Variants in MTMR7 observed in about 807,000 individuals in gnomAD.
MTMR7 encodes phosphatidylinositol-3-phosphate phosphatase MTMR7.
In MTMR7, 76 loss-of-function variants were observed where a neutral mutation model predicts 81.2. The observed-to-expected ratio is 0.94, with a 90% CI of 0.78 to 1.13. The LOEUF (loss-of-function observed/expected upper bound fraction) is 1.13, where lower values mean the gene tolerates loss of function less well. Ranked by LOEUF, MTMR7 falls within the 50% of genes most tolerant of loss-of-function variation. MTMR7 has a pLI of 0.00. For missense variants in MTMR7, 1,044 were observed against 820.0 expected, an observed-to-expected ratio of 1.27 and a Z score of -3.34; for synonymous variants, 372 against 289.8, an observed-to-expected ratio of 1.28 and a Z score of -2.88.
intron 3 of MTMR7, among the ~76,000 whole-genome samples, chr8:17,363,856 T>A (rs1820132861): frequency 6.6e-6 from 1 of 151,484 alleles, no homozygotes; most frequent in South Asian, 2.1e-4. Context: ...GTTCTCTACT[T>A]TTACCAAATA....
At chr8:17,337,307 G>T (rs976923345) in intron 6 of MTMR7, among the ~76,000 whole-genome samples, 2 of 149,996 alleles carry the variant, frequency 1.3e-5, no homozygotes, top group Non-Finnish European at 2.9e-5. Context: ...GGAGGTTGCA[G>T]TGATCCGAGA....
At chr8:17,376,486 T>C (rs1431034416) in intron 1 of MTMR7, among the ~76,000 whole-genome samples, 1 of 152,230 alleles carries the variant, frequency 6.6e-6, no homozygotes, top group African/African-American at 2.4e-5. Context: ...TGGTAAGTCA[T>C]ATAGTAAGGC....
In MTMR7 at chr8:17,346,755, C is replaced by A. The variant is rs955763317; in HGVS notation, c.597+2198G>T. 2.6e-5 allele frequency among the ~76,000 whole-genome samples: 4 copies of A among 151,568 alleles called. No individual in the cohort carries two copies. The Middle Eastern group carries it at 0.01, about 387-fold the overall frequency. On this transcript the variant is annotated intron_variant, in intron 5 of 13. Coordinates refer to ENST00000180173, the MANE Select transcript of MTMR7 (RefSeq NM_004686.5). Reference sequence around the variant, plus strand: ...AACAACAATAAAAGATCGTTTCTCCCTCTCCTGGATTCATCTTCTCTCTTC... The same window carrying A: ...AACAACAATAAAAGATCGTTTCTCCATCTCCTGGATTCATCTTCTCTCTTC...
chr8:17,396,457 T>C (rs1821253227), intron 1 of MTMR7, among the ~76,000 whole-genome samples: 1 of 152,242 alleles, frequency 6.6e-6, no homozygotes, highest in Middle Eastern at 3.4e-3. Flanking sequence ...CATAGCTACT[T>C]GAGGACTTGG....
At chr8:17,331,373 G>A (rs1310089519) in intron 6 of MTMR7, 91 bp from the exon 7 acceptor site, 1 of 1,337,096 alleles carries the variant, frequency 7.5e-7, no homozygotes, top group Non-Finnish European at 1.0e-6. Context: ...CCCAATCAAA[G>A]CATTCAGAAT....
intron 1 of MTMR7, among the ~76,000 whole-genome samples, chr8:17,384,201 G>A (rs375649040): frequency 1.1e-4 from 17 of 152,144 alleles, no homozygotes; most frequent in South Asian, 2.1e-4. Context: ...ACTTGAGGCC[G>A]ACAGTTCGAG....
chr8:17,358,734 C>T (rs1819971249), intron 4 of MTMR7, among the ~76,000 whole-genome samples: 1 of 152,218 alleles, frequency 6.6e-6, no homozygotes, highest in South Asian at 2.1e-4. Flanking sequence ...CAGTATCCTA[C>T]CTGTCTGTAA....
At chr8:17,352,246 A>G (rs990276859) in intron 4 of MTMR7, among the ~76,000 whole-genome samples, 1 of 152,238 alleles carries the variant, frequency 6.6e-6, no homozygotes, top group African/African-American at 2.4e-5. Context: ...GAATAAAGAC[A>G]GACAAATAGG....
At chr8:17,329,186 C>A (rs1320711333) in intron 7 of MTMR7, among the ~76,000 whole-genome samples, 2 of 152,172 alleles carry the variant, frequency 1.3e-5, no homozygotes, top group African/African-American at 4.8e-5. Context: ...GCCTTCATAT[C>A]TCTTTGATGC....
chr8:17,403,335 T>C (rs1345390623), intron 1 of MTMR7, among the ~76,000 whole-genome samples: 1 of 152,212 alleles, frequency 6.6e-6, no homozygotes, highest in Non-Finnish European at 1.5e-5. Context: ...GAAGAGACTG[T>C]CTTTTTCCCA....
At chr8:17,351,896 G>T (rs757429859) in intron 4 of MTMR7, among the ~76,000 whole-genome samples, 1 of 152,160 alleles carries the variant, frequency 6.6e-6, no homozygotes, top group Non-Finnish European at 1.5e-5. Context: ...CTCTCAAGTG[G>T]AAATTAAAAT....
At chr8:17,379,505 T>A (rs766097420) in intron 1 of MTMR7, among the ~76,000 whole-genome samples, 1 of 152,176 alleles carries the variant, frequency 6.6e-6, no homozygotes, top group Non-Finnish European at 1.5e-5. Flanking sequence ...GATTGAGAAA[T>A]ACATTTTAAA....
At chr8:17,304,164 C>A (rs936489460) in intron 12 of MTMR7, among the ~76,000 whole-genome samples, 2 of 152,106 alleles carry the variant, frequency 1.3e-5, no homozygotes, top group African/African-American at 4.8e-5. Context: ...TAAAACATCA[C>A]CTCCTGAAGA....
At chr8:17,315,310 A>G (rs1431618231) in intron 7 of MTMR7, among the ~76,000 whole-genome samples, 11 of 152,214 alleles carry the variant, frequency 7.2e-5, no homozygotes, top group Non-Finnish European at 1.6e-4. Context: ...GGAGACAGTA[A>G]AAAAATCAGC....
At chr8:17,401,334 C>T (rs1306348049) in intron 1 of MTMR7, among the ~76,000 whole-genome samples, 1 of 151,994 alleles carries the variant, frequency 6.6e-6, no homozygotes. Flanking sequence ...GGAAACATCT[C>T]GTGCAAAGGT....
At chr8:17,339,579 A>G (rs1470341430) in intron 6 of MTMR7, among the ~76,000 whole-genome samples, 1 of 152,258 alleles carries the variant, frequency 6.6e-6, no homozygotes, top group Admixed American at 6.5e-5. Flanking sequence ...GTATGTATCC[A>G]TAGTCCATTC....
chr8:17,407,073 T>A, intron 1 of MTMR7, among the ~76,000 whole-genome samples: 1 of 151,994 alleles, frequency 6.6e-6, no homozygotes, highest in African/African-American at 2.4e-5. Flanking sequence ...TACCAAAAAA[T>A]CACAAAATTG....
intron 12 of MTMR7, 111 bp downstream of exon 12, chr8:17,304,268 G>A (rs1224744213): frequency 2.4e-6 from 3 of 1,232,532 alleles, no homozygotes; most frequent in African/African-American, 3.0e-5. Context: ...TGTCTTTTGT[G>A]TCCAATAAAA....
chr8:17,345,175 G>C (rs1167209968), intron 5 of MTMR7, among the ~76,000 whole-genome samples: 2 of 152,088 alleles, frequency 1.3e-5, no homozygotes, highest in African/African-American at 4.8e-5. Context: ...GTGTTGCTTC[G>C]ACATCTGGTA....
Sources: gnomAD v4.1 joint callset for allele counts (sites outside exome capture counted in the v4.1 genomes callset) on GRCh38, gnomAD v4.1.1 for gene constraint, MANE v1.5 for transcripts, NCBI Gene and HGNC (gene_info 2026-07-23, HGNC 2026-07-21) for gene names.